UNC13C: variants seen among roughly 807,000 people sequenced by gnomAD.
UNC13C encodes unc-13 homolog C, also known as protein unc-13 homolog C.
In UNC13C, 174 loss-of-function variants were observed where a neutral mutation model predicts 245.4. That is an observed-to-expected ratio of 0.71 (90% CI 0.63 to 0.80). The LOEUF (loss-of-function observed/expected upper bound fraction) is 0.80, where lower values mean the gene tolerates loss of function less well. Among genes scored for constraint, UNC13C ranks in the 30% least tolerant of loss-of-function variants. The pLI is 0.00. For missense variants in UNC13C, 2,829 were observed against 2,602.9 expected, an observed-to-expected ratio of 1.09 and a Z score of -1.89; for synonymous variants, 992 against 895.1, an observed-to-expected ratio of 1.11 and a Z score of -1.93.
intron 17 of UNC13C, among the ~76,000 whole-genome samples, chr15:54,366,559 G>C (rs1050694196): frequency 6.6e-6 from 1 of 151,954 alleles, no homozygotes; most frequent in Non-Finnish European, 1.5e-5. Context: ...GATATCTTAG[G>C]TTTACAAGGT....
At chr15:53,906,513 A>C in the UNC13C span, among the ~76,000 whole-genome samples, 1 of 152,086 alleles carries the variant, frequency 6.6e-6, no homozygotes, top group Non-Finnish European at 1.5e-5. Context: ...TCTTCTAATA[A>C]ATGGCCCCTG....
rs765892861 is a variant in UNC13C at position 54,014,235 on chromosome 15, C to G, written c.1332C>G (p.Asn444Lys). The G allele has an allele frequency of 1.2e-6, 2 of 1,613,698 alleles. No homozygotes were observed. The highest frequency in any genetic ancestry group is 3.3e-5 in the Admixed American group (2 of 59,974). The part of the protein sequence containing the change: ...LSTPEPKIKK[N>K]NWQSPDDSDE... The stretch of plus-strand genomic sequence containing the variant: ...CTCCAGAGCCAAAAATCAAGAAGAA[C>G]AATTGGCAGTCACCTGATGACAGTG... Residue 444 changes from asparagine to lysine, a missense_variant, in exon 2 of 33, where the codon AAC (asparagine) becomes AAG (lysine). Transcript: ENST00000260323.
chr15:54,012,516 A>T (rs180757639), intron 1 of UNC13C, among the ~76,000 whole-genome samples, 132 bp from the exon 2 acceptor site: 7 of 152,342 alleles, frequency 4.6e-5, no homozygotes, highest in African/African-American at 1.7e-4. Flanking sequence ...TTACATTGAA[A>T]TTCATATATT....
chr15:54,024,484 G>A (rs938450369), intron 2 of UNC13C, among the ~76,000 whole-genome samples: 2 of 152,118 alleles, frequency 1.3e-5, no homozygotes, highest in Non-Finnish European at 2.9e-5. Context: ...AAGGGAGATG[G>A]ACTCAAATAG....
chr15:54,215,128 A>G (rs1192996259), intron 4 of UNC13C, among the ~76,000 whole-genome samples: 2 of 151,830 alleles, frequency 1.3e-5, no homozygotes, highest in East Asian at 3.9e-4. Context: ...TTTCTATTTG[A>G]CAAACAATGT....
intron 25 of UNC13C, 51 bp downstream of exon 25, chr15:54,525,688 C>T: frequency 1.4e-6 from 2 of 1,455,274 alleles, no homozygotes; most frequent in South Asian, 1.2e-5. Context: ...GGTGTCAGTT[C>T]ATGATATTCT....
chr15:53,893,195 C>A, the UNC13C span, among the ~76,000 whole-genome samples: 2 of 152,200 alleles, frequency 1.3e-5, no homozygotes, highest in African/African-American at 2.4e-5. Context: ...TGCAGAACAG[C>A]AAAGATTACT....
chr15:54,354,463 G>A (rs967636000), intron 17 of UNC13C, among the ~76,000 whole-genome samples: 1 of 152,104 alleles, frequency 6.6e-6, no homozygotes, highest in Non-Finnish European at 1.5e-5. Context: ...TAGTTTGCTG[G>A]ACCTACCAGG....
intron 2 of UNC13C, among the ~76,000 whole-genome samples, chr15:54,044,789 G>A (rs534988538): frequency 6.6e-5 from 10 of 152,182 alleles, no homozygotes; most frequent in South Asian, 2.1e-4. Context: ...CCATCATCTC[G>A]TGTAGCTGCT....
chr15:54,374,528 G>A (rs1290576487), intron 17 of UNC13C, among the ~76,000 whole-genome samples: 1 of 152,200 alleles, frequency 6.6e-6, no homozygotes, highest in Non-Finnish European at 1.5e-5. Flanking sequence ...TCTCAACTTT[G>A]CTTCAAAATT....
chr15:54,325,457 A>G (rs2038274661), intron 14 of UNC13C, among the ~76,000 whole-genome samples: 1 of 152,074 alleles, frequency 6.6e-6, no homozygotes, highest in African/African-American at 2.4e-5. Context: ...CATGTGCACA[A>G]CGTGCAGTTT....
chr15:54,618,049 T>A (rs1900556242), intron 30 of UNC13C, among the ~76,000 whole-genome samples: 1 of 152,136 alleles, frequency 6.6e-6, no homozygotes, highest in Non-Finnish European at 1.5e-5. Context: ...TCATTACCAA[T>A]TAAAAGCATT....
chr15:53,961,533 T>C, the UNC13C span, among the ~76,000 whole-genome samples: 3 of 152,220 alleles, frequency 2.0e-5, no homozygotes, highest in Non-Finnish European at 2.9e-5. Context: ...AAGGGCAGCA[T>C]AGAGTGGTTA....
intron 17 of UNC13C, among the ~76,000 whole-genome samples, chr15:54,383,851 G>A (rs958228508): frequency 2.6e-5 from 4 of 152,028 alleles, no homozygotes; most frequent in African/African-American, 4.8e-5. Flanking sequence ...AAAATCAGTA[G>A]CATTTCTATC....
At chr15:53,930,594 T>C in the UNC13C span, among the ~76,000 whole-genome samples, 14 of 152,326 alleles carry the variant, frequency 9.2e-5, no homozygotes, top group African/African-American at 3.4e-4. Flanking sequence ...CTGGTACTTA[T>C]AAAACACCCT....
chr15:54,397,933 A>G (rs1259756464), intron 18 of UNC13C, among the ~76,000 whole-genome samples: 1 of 151,122 alleles, frequency 6.6e-6, no homozygotes, highest in Non-Finnish European at 1.5e-5. Context: ...TCCAATTTAG[A>G]TGTATTTTAT....
intron 5 of UNC13C, among the ~76,000 whole-genome samples, chr15:54,235,883 A>G (rs1321076702): frequency 1.3e-5 from 2 of 152,106 alleles, no homozygotes; most frequent in Non-Finnish European, 2.9e-5. Flanking sequence ...AAAAGAAGAG[A>G]AAACCATGGT....
intron 1 of UNC13C, among the ~76,000 whole-genome samples, chr15:53,999,879 A>G (rs1420341422): frequency 6.6e-6 from 1 of 151,948 alleles, no homozygotes; most frequent in Non-Finnish European, 1.5e-5. Flanking sequence ...TGTTTTTTAA[A>G]TGTCTTTTAT....
chr15:54,419,388 C>T (rs558869416), intron 19 of UNC13C, among the ~76,000 whole-genome samples: 35 of 152,108 alleles, frequency 2.3e-4, no homozygotes, highest in Non-Finnish European at 4.3e-4. Flanking sequence ...GTTGAACACA[C>T]AGCTGGGTGC....
Sources: gnomAD v4.1 joint callset for allele counts (sites outside exome capture counted in the v4.1 genomes callset) on GRCh38, gnomAD v4.1.1 for gene constraint, MANE v1.5 for transcripts, NCBI Gene and HGNC (gene_info 2026-07-23, HGNC 2026-07-21) for gene names.